The following GALNT7 variants were observed in gnomAD, a reference collection of about 807,000 sequenced individuals.
GALNT7 encodes the protein polypeptide N-acetylgalactosaminyltransferase 7, also known as N-acetylgalactosaminyltransferase 7.
In GALNT7, 60 loss-of-function variants were observed where a neutral mutation model predicts 82.1. That is an observed-to-expected ratio of 0.73 (90% CI 0.59 to 0.91). The LOEUF (loss-of-function observed/expected upper bound fraction) is 0.91, where lower values mean the gene tolerates loss of function less well. Ranked by LOEUF, GALNT7 falls within the 40% of genes least tolerant of loss-of-function variation. The pLI, the probability that GALNT7 is intolerant of heterozygous loss-of-function variation, is 0.00. For missense variants in GALNT7, 660 were observed against 804.2 expected (o/e 0.82, Z 2.17); for synonymous variants, 243 against 275.1 (o/e 0.88, Z 1.15).
rs202210734 is a variant in GALNT7 at position 173,216,706 on chromosome 4, C to CATATATATATATATATATATATAT, written c.127-31252_127-31251insATATATATATATATATATATATAT. ...GTAATTTGGTTTCTTGTGTACTATT[C>CATATATATATATATATATATATAT]ATATATATATATATATATATATTTT... On this transcript the variant is annotated intron_variant, in intron 1 of 11. Coordinates refer to ENST00000265000, the MANE Select transcript of GALNT7 (RefSeq NM_017423.3). Among the ~76,000 whole-genome samples the CATATATATATATATATATATATAT allele has an allele frequency of 3.7e-4, 21 of 56,958 alleles. 1 individual carries two copies. The highest frequency in any genetic ancestry group is 1.9e-3 in the African/African-American group (20 of 10,342). The allele number at this position is 56,958 out of a possible 152,430, so 37.4% of individuals were successfully genotyped here.
intron 8 of GALNT7, among the ~76,000 whole-genome samples, 171 bp downstream of exon 8, chr4:173,304,289 A>T (rs1379326929): frequency 6.6e-6 from 1 of 151,994 alleles, no homozygotes; most frequent in Non-Finnish European, 1.5e-5. Context: ...GTTCTTTAAG[A>T]TTATTCAGCT....
intron 1 of GALNT7, among the ~76,000 whole-genome samples, chr4:173,191,325 A>G (rs1732622784): frequency 6.6e-6 from 1 of 151,810 alleles, no homozygotes; most frequent in Non-Finnish European, 1.5e-5. Flanking sequence ...TGCTGAGACC[A>G]CTCCAATTAC....
At position 173,313,938 on chromosome 4, in the gene GALNT7, T is replaced by A; in HGVS notation, c.1390-20T>A. 1 of 1,072,292 alleles carries A rather than the reference T, an allele frequency of 9.3e-7. No homozygotes were observed. The highest frequency in any genetic ancestry group is 1.4e-6 in the Non-Finnish European group (1 of 726,432). The allele number at this position is 1,072,292 out of a possible 1,614,324, so 66.4% of individuals were successfully genotyped here. ...TTGTATTTTTATAACGATATATATA[T>A]ATATATTTTTTTTTTACAGAATTAT... On this transcript the variant is annotated intron_variant, in intron 8 of 11. Coordinates refer to ENST00000265000, the MANE Select transcript of GALNT7 (RefSeq NM_017423.3).
intron 1 of GALNT7, among the ~76,000 whole-genome samples, chr4:173,171,548 G>T (rs898617838): frequency 1.3e-5 from 2 of 152,208 alleles, no homozygotes; most frequent in African/African-American, 4.8e-5. Flanking sequence ...GACAACTTGG[G>T]ATGGTCCTTT....
rs1203804236 is a variant in GALNT7, at chr4:173,202,865, ATATT to A, written c.126+33908_126+33911del. 3.9e-5 allele frequency among the ~76,000 whole-genome samples: 6 copies of A among 152,146 alleles called. No homozygotes were observed. The South Asian group carries it at 1.0e-3, about 26-fold the overall frequency. On this transcript the variant is annotated intron_variant, in intron 1 of 11. Coordinates refer to ENST00000265000, the MANE Select transcript of GALNT7 (RefSeq NM_017423.3). The stretch of plus-strand genomic sequence containing the variant: ...AGGTGTGCTAATGTTAAGTGCATAT[ATATT>A]TATAATTATTCTCTTGATGAACTGT...
At chr4:173,183,729 C>T (rs1176750572) in intron 1 of GALNT7, among the ~76,000 whole-genome samples, 10 of 150,984 alleles carry the variant, frequency 6.6e-5, no homozygotes, top group African/African-American at 2.2e-4. Flanking sequence ...GGGCGGCGGC[C>T]GGGCGGGGTC....
chr4:173,194,433 A>G (rs767165541), intron 1 of GALNT7, among the ~76,000 whole-genome samples: 1 of 152,238 alleles, frequency 6.6e-6, no homozygotes, highest in Non-Finnish European at 1.5e-5. Flanking sequence ...ACTTTTTGTC[A>G]ACACGTCCAC....
chr4:173,258,598 A>G (rs1487803049), intron 2 of GALNT7, among the ~76,000 whole-genome samples: 1 of 152,222 alleles, frequency 6.6e-6, no homozygotes, highest in Non-Finnish European at 1.5e-5. Context: ...GCCTAGCAGT[A>G]TGCTGGGTTT....
At chr4:173,239,828 C>T (rs971453825) in intron 1 of GALNT7, among the ~76,000 whole-genome samples, 2 of 152,004 alleles carry the variant, frequency 1.3e-5, no homozygotes, top group African/African-American at 2.4e-5. Flanking sequence ...TAAAATATGC[C>T]GTGCATTGTT....
At chr4:173,230,995 A>T (rs1734012772) in intron 1 of GALNT7, among the ~76,000 whole-genome samples, 1 of 152,210 alleles carries the variant, frequency 6.6e-6, no homozygotes, top group Non-Finnish European at 1.5e-5. Flanking sequence ...TTTGCTCACA[A>T]AAAGGCAAGA....
At chr4:173,229,324 T>C (rs1733946523) in intron 1 of GALNT7, among the ~76,000 whole-genome samples, 1 of 152,180 alleles carries the variant, frequency 6.6e-6, no homozygotes, top group Non-Finnish European at 1.5e-5. Flanking sequence ...TAGTTAGTAG[T>C]ATTTTATTGG....
At chr4:173,264,486 T>C (rs1207659953) in intron 2 of GALNT7, among the ~76,000 whole-genome samples, 1 of 152,196 alleles carries the variant, frequency 6.6e-6, no homozygotes, top group East Asian at 1.9e-4. Flanking sequence ...TGCTCTTCCG[T>C]ATTATCCTCT....
At chr4:173,305,769 T>G (rs1302175053) in intron 8 of GALNT7, among the ~76,000 whole-genome samples, 2 of 152,186 alleles carry the variant, frequency 1.3e-5, no homozygotes, top group Admixed American at 6.5e-5. Flanking sequence ...TGTTTTTATG[T>G]GAGTACCATA....
At chr4:173,187,465 C>T (rs193276848) in intron 1 of GALNT7, among the ~76,000 whole-genome samples, 1 of 150,940 alleles carries the variant, frequency 6.6e-6, no homozygotes, top group Admixed American at 6.6e-5. Context: ...TTTTCACCTG[C>T]CCTTGAAAAA....
At chr4:173,301,919 A>G (rs1366965594) in intron 6 of GALNT7, 128 bp from the exon 7 acceptor site, 2 of 591,752 alleles carry the variant, frequency 3.4e-6, no homozygotes, top group Admixed American at 2.8e-5. Context: ...ATAATTTCTT[A>G]ATGTTTGGCC....
At chr4:173,293,418 A>G (rs1009334057) in intron 3 of GALNT7, among the ~76,000 whole-genome samples, 5 of 152,190 alleles carry the variant, frequency 3.3e-5, no homozygotes, top group African/African-American at 1.2e-4. Flanking sequence ...TTCAATTTCA[A>G]AACAACCTGA....
intron 1 of GALNT7, among the ~76,000 whole-genome samples, chr4:173,211,735 T>C (rs1397046486): frequency 1.3e-5 from 2 of 152,260 alleles, no homozygotes; most frequent in African/African-American, 4.8e-5. Flanking sequence ...CATGACCGTG[T>C]AGATTTTATA....
At chr4:173,204,341 G>A (rs1326422113) in intron 1 of GALNT7, among the ~76,000 whole-genome samples, 1 of 150,974 alleles carries the variant, frequency 6.6e-6, no homozygotes, top group Non-Finnish European at 1.5e-5. Context: ...AGTGTAGATT[G>A]TTGGCCTTCC....
chr4:173,196,612 T>A (rs1173857738), intron 1 of GALNT7, among the ~76,000 whole-genome samples: 2 of 152,168 alleles, frequency 1.3e-5, no homozygotes, highest in East Asian at 3.9e-4. Context: ...GGTAAACGTG[T>A]GCCATGGTGG....
Sources: allele counts gnomAD v4.1 joint callset (sites outside exome capture counted in the v4.1 genomes callset), GRCh38; gene constraint gnomAD v4.1.1; transcripts MANE v1.5; gene names NCBI Gene and HGNC (gene_info 2026-07-23, HGNC 2026-07-21).